AGBL1: variants seen among roughly 807,000 people sequenced by gnomAD.
AGBL1 encodes AGBL carboxypeptidase 1.
In AGBL1, 130 loss-of-function variants were observed where a neutral mutation model predicts 118.9. The ratio of observed to expected loss-of-function variants is 1.09; its 90% CI spans 0.95 to 1.26. The LOEUF is 1.26. Ranked by LOEUF, AGBL1 falls within the 50% of genes most tolerant of loss-of-function variation. The probability of loss-of-function intolerance (pLI) is 0.00; values close to 1 mark genes in which losing one functional copy is unlikely to be tolerated. For missense variants in AGBL1, 1,584 were observed against 1,298.1 expected (o/e 1.22, Z -3.38); for synonymous variants, 555 against 478.9 (o/e 1.16, Z -2.08).
At chr15:86,444,817 A>G (rs2082102866) in intron 18 of AGBL1, among the ~76,000 whole-genome samples, 1 of 152,198 alleles carries the variant, frequency 6.6e-6, no homozygotes, top group Non-Finnish European at 1.5e-5. Context: ...TCCCATGACA[A>G]CCACATTCCA....
At chr15:86,302,849 T>C (rs1430958441) in intron 17 of AGBL1, among the ~76,000 whole-genome samples, 2 of 150,812 alleles carry the variant, frequency 1.3e-5, no homozygotes, top group East Asian at 3.9e-4. Context: ...GGAATGAGTA[T>C]GGGGACAGCA....
chr15:86,311,677 G>C (rs2079923791), intron 17 of AGBL1, among the ~76,000 whole-genome samples: 1 of 151,990 alleles, frequency 6.6e-6, no homozygotes, highest in Non-Finnish European at 1.5e-5. Flanking sequence ...CTTGTAAGAT[G>C]ACTAATTTAC....
At chr15:86,195,867 C>T (rs1032285611) in intron 5 of AGBL1, among the ~76,000 whole-genome samples, 1 of 152,082 alleles carries the variant, frequency 6.6e-6, no homozygotes, top group African/African-American at 2.4e-5. Flanking sequence ...CAAGGTTTGT[C>T]ATTTGCCCAT....
At chr15:86,315,525 C>A (rs1188593772) in intron 17 of AGBL1, among the ~76,000 whole-genome samples, 1 of 151,876 alleles carries the variant, frequency 6.6e-6, no homozygotes, top group Non-Finnish European at 1.5e-5. Context: ...ACCAGCCTGA[C>A]CAACATGGTG....
At chr15:86,874,973 T>C (rs1385579347) in intron 22 of AGBL1, among the ~76,000 whole-genome samples, 1 of 152,124 alleles carries the variant, frequency 6.6e-6, no homozygotes, top group Non-Finnish European at 1.5e-5. Flanking sequence ...GGTGTGCCCT[T>C]AGGGACCTGA....
chr15:86,591,314 C>G (rs993881716), intron 21 of AGBL1, among the ~76,000 whole-genome samples: 2 of 152,140 alleles, frequency 1.3e-5, no homozygotes, highest in African/African-American at 4.8e-5. Context: ...CACTGGACAC[C>G]TGCTGGATGT....
Position 86,521,714 on chromosome 15 carries a change from C to T in AGBL1, c.2556-1096C>T, listed in dbSNP as rs573543183. 5.3e-5 allele frequency among the ~76,000 whole-genome samples: 8 copies of T among 152,266 alleles called. No homozygotes were observed. In the South Asian group the frequency reaches 6.2e-4, roughly 12 times the overall value. On this transcript the variant is annotated intron_variant, in intron 18 of 22. Transcript: ENST00000614907. ...TGTATTGTGTACTGGTTTCTTAGGGCTGTTGCAGCACACTACAACAAACTG... is the reference window on the plus strand; with the variant it reads ...TGTATTGTGTACTGGTTTCTTAGGGTTGTTGCAGCACACTACAACAAACTG...
chr15:86,717,415 G>C (rs1596400525), intron 22 of AGBL1, among the ~76,000 whole-genome samples: 2 of 152,224 alleles, frequency 1.3e-5, no homozygotes, highest in East Asian at 3.9e-4. Context: ...CTAAGCAATA[G>C]GGTGCCCCAT....
chr15:86,270,214 T>G, intron 14 of AGBL1, 147 bp downstream of exon 14: 1 of 1,023,342 alleles, frequency 9.8e-7, no homozygotes, highest in Non-Finnish European at 1.4e-6. Context: ...AGGCAGGCAG[T>G]GGCCCTCAGT....
At chr15:86,428,440 C>CT (rs1177502954) in intron 18 of AGBL1, among the ~76,000 whole-genome samples, 3 of 152,186 alleles carry the variant, frequency 2.0e-5, no homozygotes, top group Non-Finnish European at 4.4e-5. Flanking sequence ...TTTCCCCCGT[C>CT]TTTTTTTCTA....
intron 21 of AGBL1, among the ~76,000 whole-genome samples, chr15:86,607,894 G>A (rs1378197805): frequency 6.6e-6 from 1 of 152,072 alleles, no homozygotes; most frequent in African/African-American, 2.4e-5. Context: ...GTCTAGGCAG[G>A]CAGTGCATGG....
chr15:86,975,732 T>C (rs1229532672), intron 23 of AGBL1, among the ~76,000 whole-genome samples: 2 of 152,136 alleles, frequency 1.3e-5, no homozygotes, highest in African/African-American at 4.8e-5. Flanking sequence ...CATCCCACAC[T>C]CAACCTGTCT....
chr15:86,254,689 C>G (rs149900750), intron 7 of AGBL1, among the ~76,000 whole-genome samples: 54 of 152,202 alleles, frequency 3.5e-4, no homozygotes, highest in African/African-American at 1.2e-3. Flanking sequence ...GGAGTCTTGT[C>G]TTTTTTTGAT....
At chr15:86,518,995 A>AGAGTC (rs2142193551) in intron 18 of AGBL1, among the ~76,000 whole-genome samples, 1 of 152,038 alleles carries the variant, frequency 6.6e-6, no homozygotes, top group Admixed American at 6.6e-5. Flanking sequence ...TAAAATAAGG[A>AGAGTC]GGACAAGTCA....
chr15:86,194,607 G>A (rs2141837228), intron 5 of AGBL1, among the ~76,000 whole-genome samples: 1 of 152,298 alleles, frequency 6.6e-6, no homozygotes, highest in East Asian at 1.9e-4. Flanking sequence ...GCATTCACCA[G>A]TTGTGTAACT....
At chr15:86,245,742 T>C (rs1172368934) in intron 6 of AGBL1, among the ~76,000 whole-genome samples, 1 of 152,212 alleles carries the variant, frequency 6.6e-6, no homozygotes, top group Non-Finnish European at 1.5e-5. Context: ...GAAAGCTCCA[T>C]ACTAAATCCC....
At chr15:86,747,602 G>A (rs2077776038) in intron 22 of AGBL1, among the ~76,000 whole-genome samples, 1 of 152,126 alleles carries the variant, frequency 6.6e-6, no homozygotes, top group East Asian at 1.9e-4. Flanking sequence ...TACATTGGGT[G>A]TATCTCCTAA....
Position 86,947,270 on chromosome 15 carries a change from T to C in AGBL1, c.3222-40717T>C, listed in dbSNP as rs570564561. ...GTAATTGTTTTGAATGATACCAGAATTGAGGGACAGTTACTCACATGAGCA... is the reference window on the plus strand; with the variant it reads ...GTAATTGTTTTGAATGATACCAGAACTGAGGGACAGTTACTCACATGAGCA... On this transcript the variant is annotated intron_variant, in intron 23 of 24. Coordinates refer to the AGBL1 transcript ENST00000441037. Among the ~76,000 whole-genome samples, 4 of 152,316 alleles carry C rather than the reference T, an allele frequency of 2.6e-5. No individual in the cohort carries two copies. The South Asian group carries it at 8.3e-4, about 32-fold the overall frequency.
chr15:86,248,609 C>T (rs1022898166), intron 7 of AGBL1, among the ~76,000 whole-genome samples: 2 of 152,086 alleles, frequency 1.3e-5, no homozygotes, highest in African/African-American at 4.8e-5. Flanking sequence ...ATGGCCCGTG[C>T]TTAGAAGAGT....
Sources: gnomAD v4.1 joint callset for allele counts (sites outside exome capture counted in the v4.1 genomes callset) on GRCh38, gnomAD v4.1.1 for gene constraint, MANE v1.5 for transcripts, NCBI Gene and HGNC (gene_info 2026-07-23, HGNC 2026-07-21) for gene names.